TENM4: variants seen among roughly 807,000 people sequenced by gnomAD.
TENM4 encodes the protein teneurin-4.
A neutral mutation model predicts 243.3 loss-of-function variants in TENM4; 82 were observed. That is an observed-to-expected ratio of 0.34 (90% CI 0.28 to 0.40). The LOEUF (loss-of-function observed/expected upper bound fraction) is 0.40, where lower values mean the gene tolerates loss of function less well. Among genes scored for constraint, TENM4 ranks in the 10% least tolerant of loss-of-function variants. The probability of loss-of-function intolerance (pLI) is 1.00; values close to 1 mark genes in which losing one functional copy is unlikely to be tolerated. For missense variants in TENM4, 3,138 were observed against 3,673.3 expected (o/e 0.85, Z 3.77); for synonymous variants, 1,412 against 1,456.3 (o/e 0.97, Z 0.69).
chr11:78,962,812 C>T (rs1857358594), intron 6 of TENM4, among the ~76,000 whole-genome samples: 1 of 152,238 alleles, frequency 6.6e-6, no homozygotes, highest in Non-Finnish European at 1.5e-5. Flanking sequence ...GTTCCTATTA[C>T]TGAGATTTTA....
At chr11:79,075,800 G>A (rs1860523585) in intron 4 of TENM4, among the ~76,000 whole-genome samples, 1 of 152,202 alleles carries the variant, frequency 6.6e-6, no homozygotes, top group South Asian at 2.1e-4. Context: ...ATGGCGCAGT[G>A]TTCTGAAACT....
At chr11:78,932,044 A>T (rs1490876477) in intron 6 of TENM4, among the ~76,000 whole-genome samples, 2 of 152,176 alleles carry the variant, frequency 1.3e-5, no homozygotes, top group African/African-American at 4.8e-5. Flanking sequence ...TTATGGAAGG[A>T]TTTCGCAGGC....
At chr11:78,683,768 G>C (rs960766826) in intron 29 of TENM4, among the ~76,000 whole-genome samples, 1 of 151,982 alleles carries the variant, frequency 6.6e-6, no homozygotes, top group Non-Finnish European at 1.5e-5. Flanking sequence ...GCTGTAGACC[G>C]GAGCTGTTCC....
At chr11:79,131,762 A>G (rs890230921) in intron 4 of TENM4, among the ~76,000 whole-genome samples, 2 of 152,194 alleles carry the variant, frequency 1.3e-5, no homozygotes, top group Admixed American at 6.5e-5. Flanking sequence ...AGGGTGGATA[A>G]AAACTCACCA....
intron 17 of TENM4, among the ~76,000 whole-genome samples, chr11:78,774,985 G>GAAAGTGA (rs1856712395): frequency 6.6e-6 from 1 of 152,172 alleles, no homozygotes; most frequent in South Asian, 2.1e-4. Flanking sequence ...CCATACTTCT[G>GAAAGTGA]AAAGTGAACC....
At chr11:79,402,060 T>A in intron 1 of TENM4, 1 of 462,500 alleles carries the variant, frequency 2.2e-6, no homozygotes, top group Non-Finnish European at 4.6e-6. Flanking sequence ...GTTGTGTTCA[T>A]GTGCAAGTCA....
chr11:79,285,472 G>T (rs1856234044), intron 2 of TENM4, among the ~76,000 whole-genome samples: 1 of 152,158 alleles, frequency 6.6e-6, no homozygotes, highest in Admixed American at 6.6e-5. Flanking sequence ...GTTAATCATA[G>T]TGTTGCCATA....
intron 3 of TENM4, among the ~76,000 whole-genome samples, chr11:79,155,296 A>C (rs1862584095): frequency 6.6e-6 from 1 of 151,606 alleles, no homozygotes; most frequent in Non-Finnish European, 1.5e-5. Context: ...ACCTGTTTCT[A>C]GGGCAAAGCT....
chr11:79,100,172 A>G (rs1490060874), intron 4 of TENM4, among the ~76,000 whole-genome samples: 4 of 152,222 alleles, frequency 2.6e-5, no homozygotes, highest in Admixed American at 6.5e-5. Context: ...ATCAAATGCT[A>G]TAACAAATAC....
chr11:78,755,729 G>GCTTGGTAA (rs1565365312), intron 19 of TENM4, among the ~76,000 whole-genome samples: 2 of 152,006 alleles, frequency 1.3e-5, no homozygotes, highest in African/African-American at 4.8e-5. Flanking sequence ...GCAGCATCCC[G>GCTTGGTAA]CAGACACAAT....
intron 3 of TENM4, among the ~76,000 whole-genome samples, chr11:79,198,865 T>C (rs569456959): frequency 1.3e-5 from 2 of 152,028 alleles, no homozygotes; most frequent in African/African-American, 2.4e-5. Context: ...AGGAGAAAGA[T>C]TAAAAGAGGG....
At chr11:78,861,098 T>A (rs904474615) in intron 10 of TENM4, among the ~76,000 whole-genome samples, 1 of 152,234 alleles carries the variant, frequency 6.6e-6, no homozygotes, top group Non-Finnish European at 1.5e-5. Context: ...AAATCTACAT[T>A]TGTACATGCT....
At chr11:79,301,514 A>T (rs1230728508) in intron 1 of TENM4, among the ~76,000 whole-genome samples, 1 of 152,142 alleles carries the variant, frequency 6.6e-6, no homozygotes, top group African/African-American at 2.4e-5. Context: ...AGCCCCTCTG[A>T]CTATTTACTA....
At chr11:79,116,299 G>A (rs545173544) in intron 4 of TENM4, among the ~76,000 whole-genome samples, 1 of 152,276 alleles carries the variant, frequency 6.6e-6, no homozygotes, top group South Asian at 2.1e-4. Context: ...CACAGATGAA[G>A]AAAATGAGTC....
chr11:78,749,676 C>G (rs982163769), intron 19 of TENM4, among the ~76,000 whole-genome samples: 1 of 152,194 alleles, frequency 6.6e-6, no homozygotes, highest in Admixed American at 6.5e-5. Context: ...TCTTTTCCAT[C>G]ATTTTTCACT....
chr11:79,262,104 C>G (rs1414392205), intron 2 of TENM4, among the ~76,000 whole-genome samples: 1 of 152,116 alleles, frequency 6.6e-6, no homozygotes, highest in East Asian at 1.9e-4. Flanking sequence ...TGTGTGAGTA[C>G]CCATCACGTG....
intron 3 of TENM4, among the ~76,000 whole-genome samples, chr11:79,208,919 G>A (rs35821102): frequency 0.18 from 26,786 of 152,146 alleles, 2,539 homozygotes; most frequent in Middle Eastern, 0.26. Context: ...ATTTCTCAGC[G>A]GGTAAGTCAA....
At chr11:78,849,839 T>C (rs1211975058) in intron 12 of TENM4, among the ~76,000 whole-genome samples, 1 of 152,248 alleles carries the variant, frequency 6.6e-6, no homozygotes, top group Non-Finnish European at 1.5e-5. Flanking sequence ...AGAATGTATG[T>C]GAAAACCCTT....
At chr11:79,231,324 T>C (rs1184569960) in intron 2 of TENM4, among the ~76,000 whole-genome samples, 1 of 152,068 alleles carries the variant, frequency 6.6e-6, no homozygotes, top group Non-Finnish European at 1.5e-5. Flanking sequence ...TCAGTTTCTC[T>C]AGTAATCAAA....
Sources: allele counts gnomAD v4.1 joint callset (sites outside exome capture counted in the v4.1 genomes callset), GRCh38; gene constraint gnomAD v4.1.1; transcripts MANE v1.5; gene names NCBI Gene and HGNC (gene_info 2026-07-23, HGNC 2026-07-21).